Variants in SEC24C observed in about 807,000 individuals in gnomAD.
SEC24C encodes the protein SEC24 homolog C, COPII component, also known as protein transport protein Sec24C.
Under a neutral mutation model 117.0 loss-of-function variants are expected in SEC24C, and 22 were observed. That is an observed-to-expected ratio of 0.19 (90% CI 0.13 to 0.27). SEC24C has a LOEUF of 0.27. Ranked by LOEUF, SEC24C falls within the 10% of genes least tolerant of loss-of-function variation. SEC24C has a pLI of 1.00. For missense variants in SEC24C, 1,155 were observed against 1,375.1 expected (o/e 0.84, Z 2.53); for synonymous variants, 506 against 529.4 (o/e 0.96, Z 0.61).
In SEC24C at chr10:73,760,275, G is replaced by A. The variant is rs2082777248; in HGVS notation, c.739G>A (p.Val247Met). Reference protein sequence around the residue: ...GGPSVSQPNHVSSPPQALPPG... With the variant: ...GGPSVSQPNHMSSPPQALPPG... ...GCCCTCAGTGAGCCAGCCCAACCAT[G>A]TGTCTTCACCTCCTCAAGCTCTGCC... Residue 247 changes from valine (V) to methionine (M), a missense_variant, in exon 5 of 23, where the codon GTG becomes ATG. Transcript: ENST00000345254. The A allele has an allele frequency of 1.9e-6, 3 of 1,613,880 alleles. No individual in the cohort carries two copies. The highest frequency in any genetic ancestry group is 2.5e-6 in the Non-Finnish European group (3 of 1,180,022).
intron 3 of SEC24C, among the ~76,000 whole-genome samples, chr10:73,752,568 A>G (rs1201209227): frequency 6.6e-6 from 1 of 152,254 alleles, no homozygotes; most frequent in Non-Finnish European, 1.5e-5. Context: ...GGGTAAGTCA[A>G]ACAAGTGGGG....
In SEC24C at chr10:73,767,867, CA is replaced by C; in HGVS notation, c.2042del (p.Gln681ArgfsTer14). 6.2e-7 allele frequency: 1 copy of C among 1,612,952 alleles called. No individual in the cohort carries two copies. The highest frequency in any genetic ancestry group is 8.5e-7 in the Non-Finnish European group (1 of 1,179,372). ...GTTCCAGCCTCAGACAGGTGCCTAT[CA>C]GACCCTGGCCAAAGAGTGTGTGGCC... ...TLFQPQTGAY[Q>X]TLAKECVAQG... On this transcript the variant is annotated frameshift_variant, in exon 15 of 23. Transcript: ENST00000345254. LOFTEE classifies it high-confidence loss of function.
chr10:73,760,502 G>A (rs1484269718), intron 5 of SEC24C, 116 bp downstream of exon 5: 2 of 1,310,048 alleles, frequency 1.5e-6, no homozygotes, highest in Non-Finnish European at 2.1e-6. Context: ...AATTAGATGG[G>A]TAGCTTCAGG....
chr10:73,767,198 A>G (rs775078932), intron 14 of SEC24C, 28 bp downstream of exon 14: 1 of 1,484,568 alleles, frequency 6.7e-7, no homozygotes, highest in Non-Finnish European at 9.4e-7. Flanking sequence ...GGGGGAGGGG[A>G]AGGATTTTTC....
In SEC24C at chr10:73,747,021, G is replaced by C. The variant is rs768857695; in HGVS notation, c.172+17G>C. 6 of 1,607,112 alleles carry C rather than the reference G, an allele frequency of 3.7e-6. No homozygotes were observed. In the South Asian group the frequency reaches 6.7e-5, roughly 18 times the overall value. ...CTCCCCAAGGTATGTTTCTGTTTCT[G>C]TTTCCTTTGAGCTAGGGAGGGAAAT... On this transcript the variant is annotated intron_variant, in intron 2 of 22. Coordinates refer to ENST00000345254, the MANE Select transcript of SEC24C (RefSeq NM_198597.3).
chr10:73,754,522 C>T (rs1028677412), intron 3 of SEC24C, among the ~76,000 whole-genome samples: 1 of 152,188 alleles, frequency 6.6e-6, no homozygotes, highest in Non-Finnish European at 1.5e-5. Context: ...TCACTACAGT[C>T]ATTCCTCAGT....
chr10:73,766,118 C>T lies in SEC24C; in HGVS notation c.1515C>T (p.Ile505=). Residue 505 remains isoleucine (I), a synonymous_variant, in exon 11 of 23, where the codon ATC becomes ATT. Transcript: ENST00000345254. ...NNKFPSPPAF[I]FMIDVSYNAI... ...AGTTCCCCAGCCCTCCTGCCTTTAT[C>T]TTCATGATTGACGTCTCCTACAATG... 1 of 1,613,710 alleles carries T rather than the reference C, an allele frequency of 6.2e-7. No individual in the cohort carries two copies. The highest frequency in any genetic ancestry group is 2.2e-5 in the East Asian group (1 of 44,874).
rs775690533 is a variant in SEC24C, at chr10:73,763,904, G to T, written c.1148G>T (p.Cys383Phe). 28 of 1,613,686 alleles carry T rather than the reference G, an allele frequency of 1.7e-5. No homozygotes were observed. The highest frequency in any genetic ancestry group is 2.3e-5 in the Non-Finnish European group (27 of 1,179,924). ...CGATGTACATCCTATAATATCCCTT[G>T]CACATCTGACATGGCTAAGCAGGCT... The part of the protein sequence containing the change: ...YIRCTSYNIP[C>F]TSDMAKQAQV... The change falls in exon 8 of 23, where the codon TGC (cysteine) becomes TTC (phenylalanine). Residue 383 changes from cysteine to phenylalanine, a missense_variant. Transcript: ENST00000345254.
At position 73,770,402 on chromosome 10, in the gene SEC24C, A is replaced by G. The variant is rs770184064; in HGVS notation, c.2985A>G (p.Ala995=). Residue 995 remains alanine (A), a synonymous_variant, in exon 21 of 23, where the codon GCA becomes GCG. Transcript: ENST00000345254. ...TCAACCTCTTCCTCTGGGTGGGAGC[A>G]AGCGTCCAACAGGGTGTTGTCCAGA... ...NGLNLFLWVG[A]SVQQGVVQSL... The G allele has an allele frequency of 1.9e-6, 3 of 1,613,860 alleles. No individual in the cohort carries two copies. Among genetic ancestry groups the G allele is most frequent in the Non-Finnish European group, 2.5e-6 (3 of 1,179,990 alleles).
Position 73,770,742 on chromosome 10 carries a change from A to C in SEC24C, c.3088A>C (p.Lys1030Gln), listed in dbSNP as rs776415643. The change falls in exon 22 of 23, where the codon AAG becomes CAG. Residue 1030 changes from lysine (K) to glutamine (Q), a missense_variant. Lys to Gln is a moderately conservative substitution (Grantham distance 53). Transcript: ENST00000345254. ...GCCAGTTCTGGATAATCCACTGTCCAAGAAGGTTCGAGGCCTCATTGATAG... is the reference window on the plus strand; with the variant it reads ...GCCAGTTCTGGATAATCCACTGTCCCAGAAGGTTCGAGGCCTCATTGATAG... ...VLPVLDNPLS[K>Q]KVRGLIDSLR... 6.2e-7 allele frequency: 1 copy of C among 1,614,154 alleles called. No individual in the cohort carries two copies. The highest frequency in any genetic ancestry group is 8.5e-7 in the Non-Finnish European group (1 of 1,180,038).
intron 14 of SEC24C, 56 bp from the exon 15 acceptor site, chr10:73,767,781 T>A: frequency 7.2e-7 from 1 of 1,385,818 alleles, no homozygotes; most frequent in Non-Finnish European, 9.8e-7. Context: ...AGTTTTCAAA[T>A]AGGGCGGAGC....
intron 6 of SEC24C, among the ~76,000 whole-genome samples, chr10:73,763,002 C>T (rs2082820641): frequency 6.6e-6 from 1 of 152,178 alleles, no homozygotes. Context: ...CACCCTGTCC[C>T]TTGTAATTTC....
intron 6 of SEC24C, 86 bp from the exon 7 acceptor site, chr10:73,763,404 C>T (rs2082826863): frequency 1.2e-6 from 1 of 853,000 alleles, no homozygotes; most frequent in Admixed American, 2.1e-5. Context: ...TTTTGTGTTA[C>T]AGCTCTAGCC....
rs367951725 is a variant in SEC24C at position 73,759,705 on chromosome 10, C to A, written c.392C>A (p.Pro131Gln). Residue 131 changes from proline to glutamine, a missense_variant, in exon 4 of 23, where the codon CCG becomes CAG. By Grantham distance (76) the Pro-to-Gln change is moderately conservative. This residue lies in a region of SEC24C where 396 missense variants were observed against 382.8 expected (regional missense o/e 1.03). Coordinates refer to ENST00000345254, the MANE Select transcript of SEC24C (RefSeq NM_198597.3). Reference protein sequence around the residue: ...PPVLQPYGPPPTSAQVATQLS... With the variant: ...PPVLQPYGPPQTSAQVATQLS... ...GTGCTTCAGCCCTATGGCCCTCCCC[C>A]GACAAGTGCACAGGTGGCTACGCAG... The A allele has an allele frequency of 4.3e-6, 7 of 1,609,320 alleles. No individual in the cohort carries two copies. Among genetic ancestry groups the A allele is most frequent in the Non-Finnish European group, 5.9e-6 (7 of 1,178,710 alleles).
intron 9 of SEC24C, 63 bp from the exon 10 acceptor site, chr10:73,765,733 CAGCT>C: frequency 6.4e-7 from 1 of 1,560,666 alleles, no homozygotes; most frequent in Non-Finnish European, 8.8e-7. Flanking sequence ...GGTGTGAGCT[CAGCT>C]AGGGCCAGAA....
intron 8 of SEC24C, 21 bp from the exon 9 acceptor site, chr10:73,765,430 C>T: frequency 6.2e-7 from 1 of 1,602,616 alleles, no homozygotes; most frequent in Non-Finnish European, 8.5e-7. Context: ...TATGTCTGAT[C>T]CCTTCCCCTT....
chr10:73,767,248 C>T (rs1361805870), intron 14 of SEC24C, 78 bp downstream of exon 14: 2 of 927,336 alleles, frequency 2.2e-6, no homozygotes, highest in African/African-American at 1.6e-5. Context: ...TTGATGGTGG[C>T]TAGGACCAGA....
intron 3 of SEC24C, among the ~76,000 whole-genome samples, chr10:73,758,683 T>C (rs1464672524): frequency 3.3e-5 from 5 of 152,358 alleles, no homozygotes; most frequent in African/African-American, 1.2e-4. Flanking sequence ...ATAACTGACT[T>C]CTTTAATTTA....
At position 73,763,667 on chromosome 10, in the gene SEC24C, C is replaced by CTTTTTTTTTTTTTTTT. The variant is rs71021569; in HGVS notation, c.1099+83_1099+98dup. 3.6e-4 allele frequency: 22 copies of CTTTTTTTTTTTTTTTT among 60,492 alleles called. 3 individuals carry two copies. Among genetic ancestry groups the CTTTTTTTTTTTTTTTT allele is most frequent in the South Asian group, 6.9e-4 (4 of 5,796 alleles). 3.7% of individuals were successfully genotyped at this position (60,492 alleles called of 1,614,324 possible). A position where few individuals can be genotyped will look rare whatever the true frequency, so the allele number is the denominator to read the frequency against. On this transcript the variant is annotated intron_variant, in intron 7 of 22. Coordinates refer to ENST00000345254, the MANE Select transcript of SEC24C (RefSeq NM_198597.3). ...CAAGATTATCAGCTTATGGTTGGGG[C>CTTTTTTTTTTTTTTTT]TTTTTTTTTTTTTTTTTTTTTTTTT...
Sources: gnomAD v4.1 joint callset for allele counts (sites outside exome capture counted in the v4.1 genomes callset) on GRCh38, gnomAD v4.1.1 for gene constraint, gnomAD v4.1.1 regional missense constraint, MANE v1.5 for transcripts, NCBI Gene and HGNC (gene_info 2026-07-23, HGNC 2026-07-21) for gene names.